The following RBPJ variants were observed in gnomAD, a reference collection of about 807,000 sequenced individuals.
RBPJ encodes recombining binding protein suppressor of hairless.
A neutral mutation model predicts 67.8 loss-of-function variants in RBPJ; 9 were observed. The ratio of observed to expected loss-of-function variants is 0.13; its 90% CI spans 0.08 to 0.23. The LOEUF (loss-of-function observed/expected upper bound fraction) is 0.23, where lower values mean the gene tolerates loss of function less well. Among genes scored for constraint, RBPJ ranks in the 10% least tolerant of loss-of-function variants. The pLI, the probability that RBPJ is intolerant of heterozygous loss-of-function variation, is 1.00. For missense variants in RBPJ, 305 were observed against 595.6 expected (o/e 0.51, Z 5.08); for synonymous variants, 198 against 203.3 (o/e 0.97, Z 0.22).
chr4:26,124,522 A>G, the RBPJ span, among the ~76,000 whole-genome samples: 6 of 140,870 alleles, frequency 4.3e-5, no homozygotes, highest in African/African-American at 1.6e-4. Flanking sequence ...TGTTTTTTCA[A>G]TTGTGAATTG....
At chr4:26,400,691 A>G (rs755777244) in intron 2 of RBPJ, among the ~76,000 whole-genome samples, 1 of 152,224 alleles carries the variant, frequency 6.6e-6, no homozygotes, top group African/African-American at 2.4e-5. Context: ...TTACTTTTAC[A>G]GGACAACTAT....
rs193111717 is a variant in RBPJ, at chr4:26,258,512, G to A, written c.-167+94898G>A. Among the ~76,000 whole-genome samples, 36 of 152,304 alleles carry A rather than the reference G, an allele frequency of 2.4e-4. No homozygotes were observed. The East Asian group carries it at 6.0e-3, about 25-fold the overall frequency. Reference sequence around the variant, plus strand: ...ACTCCCCATTCCCCTGGGGGAAGCAGGGAACACCTCTGGGTTCATTAGCTG... The same window carrying A: ...ACTCCCCATTCCCCTGGGGGAAGCAAGGAACACCTCTGGGTTCATTAGCTG... On this transcript the variant is annotated intron_variant, in intron 1 of 4. Coordinates refer to the RBPJ transcript ENST00000512351.
intron 1 of RBPJ, among the ~76,000 whole-genome samples, chr4:26,210,000 C>A (rs1232132689): frequency 6.6e-6 from 1 of 152,036 alleles, no homozygotes; most frequent in Non-Finnish European, 1.5e-5. Flanking sequence ...TCAAGACCAA[C>A]AATCTTGCCA....
chr4:26,183,341 T>C (rs888719888), intron 1 of RBPJ, among the ~76,000 whole-genome samples: 2 of 152,222 alleles, frequency 1.3e-5, no homozygotes, highest in African/African-American at 4.8e-5. Flanking sequence ...GAAACTGTGA[T>C]GCGGCACATG....
At position 26,215,870 on chromosome 4, in the gene RBPJ, T is replaced by C. The variant is rs150451300; in HGVS notation, c.-167+52256T>C. ...AATTTGTTCAGTGCCGGGCAGCACATTGGGGGTGAGGGGCATGGCACTGCA... is the reference window on the plus strand; with the variant it reads ...AATTTGTTCAGTGCCGGGCAGCACACTGGGGGTGAGGGGCATGGCACTGCA... On this transcript the variant is annotated intron_variant, in intron 1 of 4. Coordinates refer to the RBPJ transcript ENST00000512351. Among the ~76,000 whole-genome samples, 355 of 152,242 alleles carry C rather than the reference T, an allele frequency of 2.3e-3. 2 individuals are homozygous for C. Among genetic ancestry groups the C allele is most frequent in the African/African-American group, 8.1e-3 (335 of 41,564 alleles).
chr4:26,306,589 A>G (rs1211578388), intron 1 of RBPJ, among the ~76,000 whole-genome samples: 1 of 151,930 alleles, frequency 6.6e-6, no homozygotes, highest in Admixed American at 6.6e-5. Context: ...AGCTGGGACT[A>G]CAGGTGTCCG....
At chr4:26,368,592 G>C (rs1728851158) in intron 1 of RBPJ, among the ~76,000 whole-genome samples, 1 of 152,116 alleles carries the variant, frequency 6.6e-6, no homozygotes, top group Admixed American at 6.5e-5. Context: ...TCTCCGCCTA[G>C]AGTGTACTTT....
intron 1 of RBPJ, 168 bp downstream of exon 1, chr4:26,321,216 C>G: frequency 6.1e-6 from 1 of 164,970 alleles, no homozygotes; most frequent in Non-Finnish European, 1.2e-5. Flanking sequence ...CCGTGCGCTG[C>G]CGCTCTGCGC....
chr4:26,167,005 T>G (rs1194828759), intron 1 of RBPJ, among the ~76,000 whole-genome samples: 1 of 152,230 alleles, frequency 6.6e-6, no homozygotes, highest in African/African-American at 2.4e-5. Context: ...TTCTCAGGTT[T>G]GTCAAAGATC....
At chr4:26,138,763 C>T in the RBPJ span, among the ~76,000 whole-genome samples, 4 of 152,196 alleles carry the variant, frequency 2.6e-5, no homozygotes, top group African/African-American at 9.6e-5. Flanking sequence ...TCCATCTGTT[C>T]CTCATGCTCC....
At chr4:26,166,974 C>A (rs1450517341) in intron 1 of RBPJ, among the ~76,000 whole-genome samples, 1 of 152,090 alleles carries the variant, frequency 6.6e-6, no homozygotes, top group Admixed American at 6.6e-5. Context: ...TAAATAGGGA[C>A]TCTTTCCCCA....
chr4:26,123,225 GTACTTAA>G, the RBPJ span, among the ~76,000 whole-genome samples: 2 of 152,158 alleles, frequency 1.3e-5, no homozygotes, highest in Non-Finnish European at 2.9e-5. Flanking sequence ...GCATGTGACT[GTACTTAA>G]TACTACAGGC....
the RBPJ span, among the ~76,000 whole-genome samples, chr4:26,109,623 CCT>C: frequency 4.8e-5 from 1 of 20,798 alleles, no homozygotes; most frequent in South Asian, 1.4e-3. Context: ...TGTCCACCTT[CCT>C]CTCTCTCTCT....
intron 1 of RBPJ, among the ~76,000 whole-genome samples, chr4:26,349,093 C>CGCGCGCGCGCGTGCGCGCGCGT: frequency 6.6e-6 from 1 of 150,856 alleles, no homozygotes; most frequent in African/African-American, 2.4e-5. Context: ...TGTGTGCGCG[C>CGCGCGCGCGCGTGCGCGCGCGT]GCGCACGCAC....
intron 3 of RBPJ, among the ~76,000 whole-genome samples, chr4:26,407,778 G>T (rs944286963): frequency 2.7e-5 from 4 of 150,506 alleles, no homozygotes; most frequent in African/African-American, 9.8e-5. Context: ...GAAGGGAAAT[G>T]TAATATGTAT....
intron 4 of RBPJ, among the ~76,000 whole-genome samples, chr4:26,417,697 G>A (rs1734731744): frequency 6.6e-6 from 1 of 152,162 alleles, no homozygotes. Flanking sequence ...GACCAAGGTA[G>A]GCAAAGATGT....
At chr4:26,429,446 G>C (rs145150697) in intron 8 of RBPJ, among the ~76,000 whole-genome samples, 101 of 152,298 alleles carry the variant, frequency 6.6e-4, no homozygotes, top group African/African-American at 2.3e-3. Context: ...TGTTAAGGTA[G>C]GGGTAGGGGC....
chr4:26,212,383 A>C (rs527311317), intron 1 of RBPJ, among the ~76,000 whole-genome samples: 1 of 151,664 alleles, frequency 6.6e-6, no homozygotes, highest in South Asian at 2.1e-4. Flanking sequence ...CAGGCCTCAG[A>C]AAACAGATTC....
At chr4:26,256,301 A>AG (rs2109244623) in intron 1 of RBPJ, among the ~76,000 whole-genome samples, 1 of 152,176 alleles carries the variant, frequency 6.6e-6, no homozygotes, top group East Asian at 1.9e-4. Flanking sequence ...AAAAAAAAAA[A>AG]AAAGATTTTT....
Sources: gnomAD v4.1 joint callset for allele counts (sites outside exome capture counted in the v4.1 genomes callset) on GRCh38, gnomAD v4.1.1 for gene constraint, MANE v1.5 for transcripts, NCBI Gene and HGNC (gene_info 2026-07-23, HGNC 2026-07-21) for gene names.